PCDH10: variants seen among roughly 807,000 people sequenced by gnomAD.
PCDH10 encodes the protein protocadherin-10.
In PCDH10, 15 loss-of-function variants were observed where a neutral mutation model predicts 74.4. The observed-to-expected ratio is 0.20, with a 90% CI of 0.13 to 0.31. PCDH10 has a LOEUF of 0.31. PCDH10 is among the 10% of genes least tolerant of loss of function. The pLI, the probability that PCDH10 is intolerant of heterozygous loss-of-function variation, is 1.00. For synonymous variants in PCDH10, 619 were observed against 589.8 expected (o/e 1.05, Z -0.72); for missense variants, 1,260 against 1,390.2 (o/e 0.91, Z 1.49).
intron 4 of PCDH10, among the ~76,000 whole-genome samples, chr4:133,164,960 CACATATATTCATTATAT>C (rs1179047317): frequency 4.7e-5 from 7 of 147,464 alleles, no homozygotes; most frequent in African/African-American, 1.7e-4. Flanking sequence ...CATATATATA[CACATATATTCATTATAT>C]ACATATATTC....
Position 133,149,937 on chromosome 4 carries a change from G to T in PCDH10, c.-204G>T, listed in dbSNP as rs1578553917. ...ACGCCTGTCACCCTTCCTGTGCTAA[G>T]ATTTAAAAAAAAATGAGGCTGGATT... On this transcript the variant is annotated 5_prime_UTR_variant, in exon 1 of 5. Transcript: ENST00000264360. 1.7e-6 allele frequency: 1 copy of T among 602,458 alleles called. No homozygotes were observed. Among genetic ancestry groups the T allele is most frequent in the East Asian group, 3.1e-5 (1 of 31,762 alleles). The allele number at this position is 602,458 out of a possible 1,614,324, so 37.3% of individuals were successfully genotyped here.
downstream of PCDH10, among the ~76,000 whole-genome samples, chr4:133,199,145 G>A (rs1023003658): frequency 1.1e-4 from 17 of 151,460 alleles, no homozygotes; most frequent in African/African-American, 2.9e-4. Flanking sequence ...AAATTTAGCC[G>A]GGAGTAGTGG....
rs565971269 is a variant in PCDH10 at position 133,194,587 on chromosome 4, T to C, written c.*4427T>C. 7.2e-5 allele frequency: 11 copies of C among 151,948 alleles called. No homozygotes were observed. Among genetic ancestry groups the C allele is most frequent in the Admixed American group, 2.0e-4 (3 of 15,218 alleles). 9.4% of individuals were successfully genotyped at this position (151,948 alleles called of 1,614,324 possible). A position where few individuals can be genotyped will look rare whatever the true frequency, so the allele number is the denominator to read the frequency against. ...TTTATACTGCTGTATACATATGAAA[T>C]AAATAAAACTAGGATACATATTATG... On this transcript the variant is annotated 3_prime_UTR_variant, in exon 5 of 5. Transcript: ENST00000264360.
rs1230199701 is a variant in PCDH10 at position 133,191,669 on chromosome 4, T to A, written c.*1509T>A. 1 of 151,836 alleles carries A rather than the reference T, an allele frequency of 6.6e-6. No individual in the cohort carries two copies. The highest frequency in any genetic ancestry group is 1.5e-5 in the Non-Finnish European group (1 of 67,672). The allele number at this position is 151,836 out of a possible 1,614,324, so 9.4% of individuals were successfully genotyped here. A position where few individuals can be genotyped will look rare whatever the true frequency, so the allele number is the denominator to read the frequency against. ...AAAAAAATCAGAGAATATAAGATAA[T>A]CTTTCAAGCAAAAAACAGAATTGTC... On this transcript the variant is annotated 3_prime_UTR_variant, in exon 5 of 5. Transcript: ENST00000264360.
chr4:133,154,736 T>C (rs1726826825), intron 2 of PCDH10, among the ~76,000 whole-genome samples, 181 bp from the exon 3 acceptor site: 1 of 152,222 alleles, frequency 6.6e-6, no homozygotes, highest in East Asian at 1.9e-4. Flanking sequence ...TCAAAATGAC[T>C]GTTAATCGAT....
At position 133,163,240 on chromosome 4, in the gene PCDH10, C is replaced by G; in HGVS notation, c.3061C>G (p.Leu1021Val). 2 of 1,613,928 alleles carry G rather than the reference C, an allele frequency of 1.2e-6. No homozygotes were observed. Among genetic ancestry groups the G allele is most frequent in the Non-Finnish European group, 1.7e-6 (2 of 1,179,944 alleles). The part of the protein sequence containing the change: ...STLERKELDG[L>V]LTNTRAPYKP... ...TCTGGAGAGGAAGGAGCTGGATGGA[C>G]TGCTGACTAATACGCGAGCGCCTTA... is the stretch of plus-strand genomic sequence containing the variant. The change falls in exon 4 of 5, where the codon CTG (leucine) becomes GTG (valine). Residue 1021 changes from leucine (L) to valine (V), a missense_variant. Physicochemically the swap from Leu to Val is conservative, Grantham distance 32. Around this residue, in one of 11 missense-constraint regions of PCDH10, gnomAD observed 136 missense variants for 149.3 expected, o/e 0.91. Coordinates refer to ENST00000264360, the MANE Select transcript of PCDH10 (RefSeq NM_032961.3).
intron 1 of PCDH10, chr4:133,153,111 A>C: frequency 7.7e-7 from 1 of 1,306,830 alleles, no homozygotes; most frequent in South Asian, 2.4e-5. Context: ...AATGTGGAGG[A>C]GGGACTTACT....
In PCDH10 at chr4:133,151,851, G is replaced by T. The variant is rs767222986; in HGVS notation, c.1711G>T (p.Ala571Ser). Reference protein sequence around the residue: ...NILIVDQNDNAPAIVAPLPGR... With the variant: ...NILIVDQNDNSPAIVAPLPGR... Reference sequence around the variant, plus strand: ...CCTCATAGTGGATCAAAATGACAACGCCCCTGCCATCGTGGCGCCTCTACC... The same window carrying T: ...CCTCATAGTGGATCAAAATGACAACTCCCCTGCCATCGTGGCGCCTCTACC... The change falls in exon 1 of 5, where the codon GCC becomes TCC. Residue 571 changes from alanine to serine, a missense_variant. Ala to Ser is a moderately conservative substitution (Grantham distance 99). Transcript: ENST00000264360. 15 of 1,613,086 alleles carry T rather than the reference G, an allele frequency of 9.3e-6. No individual in the cohort carries two copies. The East Asian group carries it at 2.7e-4, about 29-fold the overall frequency.
At chr4:133,167,158 G>A (rs1278687593) in intron 4 of PCDH10, among the ~76,000 whole-genome samples, 3 of 151,456 alleles carry the variant, frequency 2.0e-5, no homozygotes, top group Non-Finnish European at 4.4e-5. Context: ...TTCTAAAACA[G>A]TGCATTTAAA....
At chr4:133,184,662 TTATTTATTTA>T (rs1727494430) in intron 4 of PCDH10, among the ~76,000 whole-genome samples, 2 of 146,256 alleles carry the variant, frequency 1.4e-5, no homozygotes, top group Non-Finnish European at 3.0e-5. Flanking sequence ...AATAAATAAG[TTATTTATTTA>T]TATTTATTTA....
At position 133,151,980 on chromosome 4, in the gene PCDH10, G is replaced by A. The variant is rs758967264; in HGVS notation, c.1840G>A (p.Ala614Thr). 8.1e-6 allele frequency: 13 copies of A among 1,612,566 alleles called. No individual in the cohort carries two copies. Among genetic ancestry groups the A allele is most frequent in the East Asian group, 6.7e-5 (3 of 44,878 alleles). The change falls in exon 1 of 5, where the codon GCC (alanine) becomes ACC (threonine). Residue 614 changes from alanine to threonine, a missense_variant. Coordinates refer to ENST00000264360, the MANE Select transcript of PCDH10 (RefSeq NM_032961.3). ...AAVDADDGENARLTYSIVRGN... is the reference protein window; with the variant it reads ...AAVDADDGENTRLTYSIVRGN... The stretch of plus-strand genomic sequence containing the variant: ...CGTGGACGCGGACGACGGCGAGAAC[G>A]CCCGGCTCACTTACAGCATCGTGCG...
At chr4:133,164,085 T>G in intron 4 of PCDH10, 1 of 450,854 alleles carries the variant, frequency 2.2e-6, no homozygotes. Context: ...AAGGATTGTT[T>G]TCAGCTTTTC....
At chr4:133,180,399 A>G (rs1727391129) in intron 4 of PCDH10, among the ~76,000 whole-genome samples, 1 of 152,010 alleles carries the variant, frequency 6.6e-6, no homozygotes, top group Admixed American at 6.6e-5. Flanking sequence ...AACAGTTTGT[A>G]TGTATATGGC....
intron 2 of PCDH10, among the ~76,000 whole-genome samples, chr4:133,202,688 G>A (rs7663631): frequency 2.0e-5 from 3 of 152,048 alleles, no homozygotes; most frequent in African/African-American, 7.2e-5. Context: ...TGGACTTTTG[G>A]TGCAAAACTG....
Position 133,194,273 on chromosome 4 carries a change from T to TA in PCDH10, c.*4113_*4114insA, listed in dbSNP as rs1727745404. ...TTAGTTTGAAGTTTTACTCTCCAGA[T>TA]GTTTTTGAGTTGCATAAAAATCTTG... On this transcript the variant is annotated 3_prime_UTR_variant, in exon 5 of 5. Coordinates refer to ENST00000264360, the MANE Select transcript of PCDH10 (RefSeq NM_032961.3). 1 of 151,888 alleles carries TA rather than the reference T, an allele frequency of 6.6e-6. No homozygotes were observed. The allele number at this position is 151,888 out of a possible 1,614,324, so 9.4% of individuals were successfully genotyped here.
chr4:133,163,340 C>T (rs1727013551), intron 4 of PCDH10, 58 bp downstream of exon 4: 6 of 1,412,774 alleles, frequency 4.2e-6, no homozygotes, highest in Admixed American at 4.6e-5. Context: ...TAAAGTTCAA[C>T]ATTCCACTCT....
At chr4:133,184,203 C>T (rs1333634332) in intron 4 of PCDH10, among the ~76,000 whole-genome samples, 1 of 151,926 alleles carries the variant, frequency 6.6e-6, no homozygotes, top group Admixed American at 6.6e-5. Flanking sequence ...TCCTGTTTTC[C>T]ACCTATGTTC....
chr4:133,178,415 T>C (rs1727338824), intron 4 of PCDH10, among the ~76,000 whole-genome samples: 1 of 152,002 alleles, frequency 6.6e-6, no homozygotes, highest in Non-Finnish European at 1.5e-5. Flanking sequence ...TTTGTATATT[T>C]AGTAGAGACG....
rs779714080 is a variant in PCDH10, at chr4:133,150,416, C to T, written c.276C>T (p.Val92=). The change falls in exon 1 of 5, where the codon GTC becomes GTT. Residue 92 remains valine, a synonymous_variant. Coordinates refer to ENST00000264360, the MANE Select transcript of PCDH10 (RefSeq NM_032961.3). ...TCTGCAAACAGAGCCCCTCCTGTGT[C>T]CTGCACCTGGAGGTCTTTCTGGAGA... ...EQICKQSPSC[V]LHLEVFLENP... is the part of the protein sequence containing the mutation. 3 of 1,613,948 alleles carry T rather than the reference C, an allele frequency of 1.9e-6. No individual in the cohort carries two copies. Among genetic ancestry groups the T allele is most frequent in the Non-Finnish European group, 2.5e-6 (3 of 1,180,022 alleles).
Sources: allele counts gnomAD v4.1 joint callset (sites outside exome capture counted in the v4.1 genomes callset), GRCh38; gene constraint gnomAD v4.1.1; regional missense constraint gnomAD v4.1.1; transcripts MANE v1.5; gene names NCBI Gene and HGNC (gene_info 2026-07-23, HGNC 2026-07-21).